Variants in LRRC4B observed in about 807,000 individuals in gnomAD.
The protein encoded by LRRC4B is leucine-rich repeat-containing protein 4B.
LRRC4B carries 1 observed loss-of-function variant against 7.3 expected under a neutral mutation model. That is an observed-to-expected ratio of 0.14 (90% CI 0.05 to 0.65). The LOEUF (loss-of-function observed/expected upper bound fraction) is 0.65. LRRC4B is among the 30% of genes least tolerant of loss of function. The pLI, the probability that LRRC4B is intolerant of heterozygous loss-of-function variation, is 0.84. For synonymous variants in LRRC4B, 500 were observed against 499.2 expected, an observed-to-expected ratio of 1.00 and a Z score of -0.02; for missense variants, 730 against 1,041.6, an observed-to-expected ratio of 0.70 and a Z score of 4.12.
chr19:50,542,212 A>AG (rs1981579204), intron 2 of LRRC4B, among the ~76,000 whole-genome samples: 1 of 152,164 alleles, frequency 6.6e-6, no homozygotes, highest in Non-Finnish European at 1.5e-5. Flanking sequence ...TCCGGTGAGG[A>AG]CCAGGTACCT....
At chr19:50,542,287 C>T (rs145278634) in intron 2 of LRRC4B, among the ~76,000 whole-genome samples, 2,335 of 152,050 alleles carry the variant, frequency 0.015, 70 homozygotes, top group African/African-American at 0.053. Flanking sequence ...CCCCAGGTCC[C>T]GAGGAGATGG....
intron 2 of LRRC4B, among the ~76,000 whole-genome samples, chr19:50,541,593 C>G (rs769133247): frequency 1.4e-4 from 22 of 152,094 alleles, no homozygotes; most frequent in Non-Finnish European, 2.8e-4. Context: ...CTTTGAAGCC[C>G]CTCTAATAAT....
At chr19:50,567,824 C>CCG (rs1266862206) in intron 1 of LRRC4B, 120 bp downstream of exon 1, 1 of 139,028 alleles carries the variant, frequency 7.2e-6, no homozygotes, top group Non-Finnish European at 1.6e-5. Flanking sequence ...CTGCCATCCC[C>CCG]CCCCATCCCG....
At chr19:50,523,010 A>G (rs955173781) in intron 2 of LRRC4B, among the ~76,000 whole-genome samples, 3 of 152,240 alleles carry the variant, frequency 2.0e-5, no homozygotes, top group Non-Finnish European at 4.4e-5. Context: ...AGTGGACAGC[A>G]GAGTTGGGAC....
At chr19:50,552,686 ATCCG>A (rs1322680836) in intron 1 of LRRC4B, among the ~76,000 whole-genome samples, 6 of 142,118 alleles carry the variant, frequency 4.2e-5, no homozygotes, top group East Asian at 2.1e-4. Context: ...CCATCCATCC[ATCCG>A]TCCATCCATC....
chr19:50,548,888 G>A lies in LRRC4B; in HGVS notation c.-35-15C>T. 1.8e-6 allele frequency: 2 copies of A among 1,101,112 alleles called. No individual in the cohort carries two copies. Among genetic ancestry groups the A allele is most frequent in the Non-Finnish European group, 2.5e-6 (2 of 797,400 alleles). The allele number at this position is 1,101,112 out of a possible 1,614,324, so 68.2% of individuals were successfully genotyped here. A position where few individuals can be genotyped will look rare whatever the true frequency, so the allele number is the denominator to read the frequency against. On this transcript the variant is annotated splice_polypyrimidine_tract_variant and intron_variant, in intron 1 of 2. Coordinates refer to ENST00000652263, the MANE Select transcript of LRRC4B (RefSeq NM_001080457.2). The surrounding 1 kb of genome is among the most constrained non-coding windows in gnomAD (Gnocchi z 6.8). ...ACGCTGGGGGGCTGTGGGTGGGGGAGAGAAGGGGGAGAGGCTTGGTGAGGG... is the reference window on the plus strand; with the variant it reads ...ACGCTGGGGGGCTGTGGGTGGGGGAAAGAAGGGGGAGAGGCTTGGTGAGGG...
At chr19:50,530,936 G>A (rs1286510345) in intron 2 of LRRC4B, among the ~76,000 whole-genome samples, 1 of 150,548 alleles carries the variant, frequency 6.6e-6, no homozygotes, top group Non-Finnish European at 1.5e-5. Flanking sequence ...CCTGGGGGGG[G>A]GGGGTCTCTC....
intron 2 of LRRC4B, among the ~76,000 whole-genome samples, chr19:50,535,030 A>ATG (rs1981208507): frequency 6.6e-6 from 1 of 150,520 alleles, no homozygotes; most frequent in African/African-American, 2.5e-5. Context: ...CACCACACCC[A>ATG]GCTAATTGTT....
Position 50,519,171 on chromosome 19 carries a change from A to T in LRRC4B, c.542T>A (p.Val181Glu). ...ESIPSYAFNR[V>E]PSLRRLDLGE... ...CAGGTCCAGGCGCCGCAGCGAGGGC[A>T]CGCGGTTGAAGGCGTAGGAGGGGAT... Residue 181 changes from valine to glutamate, a missense_variant, in exon 3 of 3, where the codon GTG becomes GAG. Around this residue, in one of 6 missense-constraint regions of LRRC4B, gnomAD observed 226 missense variants for 448.0 expected, o/e 0.50. Coordinates refer to ENST00000652263, the MANE Select transcript of LRRC4B (RefSeq NM_001080457.2). The surrounding 1 kb of genome is among the most constrained non-coding windows in gnomAD (Gnocchi z 8.1). The T allele has an allele frequency of 6.2e-7, 1 of 1,613,630 alleles. No individual in the cohort carries two copies. The highest frequency in any genetic ancestry group is 8.5e-7 in the Non-Finnish European group (1 of 1,179,940).
In LRRC4B at chr19:50,537,222, C is replaced by T. The variant is rs532718627; in HGVS notation, c.297+11320G>A. 2.6e-5 allele frequency among the ~76,000 whole-genome samples: 4 copies of T among 152,310 alleles called. No individual in the cohort carries two copies. The highest frequency in any genetic ancestry group is 2.1e-4 in the South Asian group (1 of 4,826). ...GCCTGCCTGGGCCGAGTCCCAGCTC[C>T]GTTACTAACCATGGGACCAGGACCG... On this transcript the variant is annotated intron_variant, in intron 2 of 2. Coordinates refer to ENST00000652263, the MANE Select transcript of LRRC4B (RefSeq NM_001080457.2). The surrounding 1 kb of genome is among the most constrained non-coding windows in gnomAD (Gnocchi z 5.5).
At chr19:50,520,203 C>CAAAA (rs1173919963) in intron 2 of LRRC4B, among the ~76,000 whole-genome samples, 1 of 9,382 alleles carries the variant, frequency 1.1e-4, no homozygotes, top group Non-Finnish European at 1.9e-4. Context: ...AATACCCTGT[C>CAAAA]AAAAAAAAAA....
chr19:50,528,053 CTT>C (rs913300823), intron 2 of LRRC4B, among the ~76,000 whole-genome samples: 9 of 151,300 alleles, frequency 5.9e-5, no homozygotes, highest in African/African-American at 1.2e-4. Flanking sequence ...CTCTCTCTCT[CTT>C]TCTTTCTGAC....
chr19:50,517,388 C>T lies in LRRC4B; in HGVS notation c.*183G>A. ...GATCCCAGAGACTCCGCTCCTGGAG[C>T]CCCACCCTGTCCTTACTGGGGGTCC... On this transcript the variant is annotated 3_prime_UTR_variant, in exon 3 of 3. Transcript: ENST00000652263. This position sits in a 1 kb window ranked among gnomAD's most constrained non-coding sequence, Gnocchi z 6.6. 1 of 446,692 alleles carries T rather than the reference C, an allele frequency of 2.2e-6. No individual in the cohort carries two copies. Among genetic ancestry groups the T allele is most frequent in the Non-Finnish European group, 3.7e-6 (1 of 270,374 alleles). 27.7% of individuals were successfully genotyped at this position (446,692 alleles called of 1,614,324 possible). A position where few individuals can be genotyped will look rare whatever the true frequency, so the allele number is the denominator to read the frequency against.
Position 50,555,185 on chromosome 19 carries a change from C to T in LRRC4B, c.-35-6312G>A, listed in dbSNP as rs555146366. ...TCCTCAAGCTGCTGGCTTCTCCCCACGGCCCTGGGAGGAAGGGATGGTTCT... is the reference window on the plus strand; with the variant it reads ...TCCTCAAGCTGCTGGCTTCTCCCCATGGCCCTGGGAGGAAGGGATGGTTCT... On this transcript the variant is annotated intron_variant, in intron 1 of 2. Transcript: ENST00000652263. This position sits in a 1 kb window ranked among gnomAD's most constrained non-coding sequence, Gnocchi z 5.2. Among the ~76,000 whole-genome samples the T allele has an allele frequency of 5.8e-4, 88 of 152,352 alleles. No homozygotes were observed. The highest frequency in any genetic ancestry group is 9.6e-4 in the Non-Finnish European group (65 of 68,034).
chr19:50,535,353 G>C (rs1391414430), intron 2 of LRRC4B, among the ~76,000 whole-genome samples: 3 of 151,742 alleles, frequency 2.0e-5, no homozygotes, highest in Admixed American at 2.0e-4. Context: ...TTGTATTTTA[G>C]TAGAGACAAG....
intron 2 of LRRC4B, among the ~76,000 whole-genome samples, chr19:50,530,219 C>T (rs1980994634): frequency 6.6e-6 from 1 of 152,172 alleles, no homozygotes; most frequent in South Asian, 2.1e-4. Context: ...CCTGCTATGC[C>T]AGAGCTGACC....
rs1601367948 is a variant in LRRC4B at position 50,518,815 on chromosome 19, G to A, written c.898C>T (p.Leu300=). 1 of 1,614,094 alleles carries A rather than the reference G, an allele frequency of 6.2e-7. No homozygotes were observed. Among genetic ancestry groups the A allele is most frequent in the East Asian group, 2.2e-5 (1 of 44,866 alleles). ...MSLPHDLFTP[L]HRLERVHLNH... ...AGGTGCACGCGCTCGAGGCGGTGCA[G>A]GGGCGTGAAGAGGTCGTGGGGCAGC... Residue 300 remains leucine, a synonymous_variant, in exon 3 of 3, where the codon CTG becomes TTG. Coordinates refer to ENST00000652263, the MANE Select transcript of LRRC4B (RefSeq NM_001080457.2).
At chr19:50,529,935 G>T (rs1980976394) in intron 2 of LRRC4B, among the ~76,000 whole-genome samples, 1 of 151,878 alleles carries the variant, frequency 6.6e-6, no homozygotes, top group African/African-American at 2.4e-5. Flanking sequence ...CAAACACTCT[G>T]TGCCCCACCC....
chr19:50,544,244 T>C (rs538668196), intron 2 of LRRC4B, among the ~76,000 whole-genome samples: 117 of 149,428 alleles, frequency 7.8e-4, no homozygotes, highest in East Asian at 7.8e-3. Context: ...CAGTGGCTCA[T>C]GCCTGTAATC....
Sources: gnomAD v4.1 joint callset for allele counts (sites outside exome capture counted in the v4.1 genomes callset) on GRCh38, gnomAD v4.1.1 for gene constraint, gnomAD v4.1.1 regional missense constraint, Gnocchi (gnomAD v3.1) non-coding constraint, MANE v1.5 for transcripts, NCBI Gene and HGNC (gene_info 2026-07-23, HGNC 2026-07-21) for gene names.